The following PRR5L variants were observed in gnomAD, a reference collection of about 807,000 sequenced individuals.
The protein encoded by PRR5L is proline-rich protein 5-like.
Under a neutral mutation model 36.4 loss-of-function variants are expected in PRR5L, and 21 were observed. The ratio of observed to expected loss-of-function variants is 0.58; its 90% CI spans 0.41 to 0.83. The LOEUF (loss-of-function observed/expected upper bound fraction) is 0.83. PRR5L is among the 40% of genes least tolerant of loss of function. The probability of loss-of-function intolerance (pLI) is 0.00; values close to 1 mark genes in which losing one functional copy is unlikely to be tolerated. For synonymous variants in PRR5L, 188 were observed against 197.0 expected (o/e 0.95, Z 0.38); for missense variants, 381 against 473.3 (o/e 0.80, Z 1.81).
At position 36,401,261 on chromosome 11, in the gene PRR5L, T is replaced by C; in HGVS notation, c.140T>C (p.Leu47Pro). Reference sequence around the variant, plus strand: ...CAAGCAGCTCGGCAGGCTCTGCAGCTGAGCTCCAGCTCAGCCTGGAACAGG... The same window carrying C: ...CAAGCAGCTCGGCAGGCTCTGCAGCCGAGCTCCAGCTCAGCCTGGAACAGG... ...RFQAARQALQ[L>P]SSSSAWNSVQ... The change falls in exon 2 of 9, where the codon CTG (leucine) becomes CCG (proline). Residue 47 changes from leucine to proline, a missense_variant. Leu to Pro is a moderately conservative substitution (Grantham distance 98). Transcript: ENST00000530639. 6.2e-7 allele frequency: 1 copy of C among 1,612,604 alleles called. No individual in the cohort carries two copies. Among genetic ancestry groups the C allele is most frequent in the Non-Finnish European group, 8.5e-7 (1 of 1,179,994 alleles).
intron 1 of PRR5L, among the ~76,000 whole-genome samples, chr11:36,316,157 A>G (rs980875463): frequency 3.3e-5 from 5 of 152,324 alleles, no homozygotes; most frequent in African/African-American, 1.2e-4. Context: ...CGAGGGCCAT[A>G]TGGTCTGTGT....
At chr11:36,387,670 A>G (rs1279372619) in intron 1 of PRR5L, among the ~76,000 whole-genome samples, 1 of 152,178 alleles carries the variant, frequency 6.6e-6, no homozygotes, top group Non-Finnish European at 1.5e-5. Context: ...CCAAACCATT[A>G]ATTGAATGGT....
chr11:36,351,595 TTATATAAATATATATTTATATA>T lies in PRR5L; in HGVS notation c.-125-49400_-125-49379del, dbSNP rs1565408814. Among the ~76,000 whole-genome samples the T allele has an allele frequency of 1.6e-3, 44 of 27,564 alleles. 1 individual carries two copies. The highest frequency in any genetic ancestry group is 9.0e-3 in the African/African-American group (44 of 4,906). The allele number at this position is 27,564 out of a possible 152,430, so 18.1% of individuals were successfully genotyped here. On this transcript the variant is annotated intron_variant, in intron 1 of 8. Coordinates refer to ENST00000530639, the MANE Select transcript of PRR5L (RefSeq NM_001160167.2). ...TTTATATAAATATATATTTATATAT[TTATATAAATATATATTTATATA>T]TTTATATATTTATATAAATATATAT...
At chr11:36,386,748 C>T (rs577964727) in intron 1 of PRR5L, among the ~76,000 whole-genome samples, 17 of 152,302 alleles carry the variant, frequency 1.1e-4, no homozygotes, top group Admixed American at 3.9e-4. Context: ...CCCTATGCTT[C>T]GGTTTCTTCA....
At chr11:36,410,411 G>A (rs1001622422) in intron 3 of PRR5L, among the ~76,000 whole-genome samples, 4 of 152,110 alleles carry the variant, frequency 2.6e-5, no homozygotes, top group Admixed American at 1.3e-4. Flanking sequence ...TTGCCTGCCT[G>A]CCCCTGTGGC....
intron 1 of PRR5L, among the ~76,000 whole-genome samples, chr11:36,306,760 C>CA (rs1565375274): frequency 6.6e-6 from 1 of 151,988 alleles, no homozygotes; most frequent in Non-Finnish European, 1.5e-5. Context: ...CAACCACCAC[C>CA]AAAAAAGTCT....
At chr11:36,379,259 C>T (rs1050051337) in intron 1 of PRR5L, 2 of 152,180 alleles carry the variant, frequency 1.3e-5, no homozygotes, top group African/African-American at 4.8e-5. Context: ...CAGATTTCTC[C>T]ATACTAATGA....
intron 3 of PRR5L, among the ~76,000 whole-genome samples, chr11:36,415,336 G>A (rs936665616): frequency 3.9e-5 from 6 of 152,328 alleles, no homozygotes; most frequent in Non-Finnish European, 8.8e-5. Context: ...TGGCTAAAGT[G>A]TTGTGTTGCC....
chr11:36,406,123 T>C (rs954286867), intron 3 of PRR5L, among the ~76,000 whole-genome samples: 15 of 151,986 alleles, frequency 9.9e-5, no homozygotes, highest in African/African-American at 3.6e-4. Context: ...TTTGCCATCG[T>C]TCCTTTCCCG....
intron 4 of PRR5L, 80 bp from the exon 5 acceptor site, chr11:36,431,773 C>A: frequency 1.5e-6 from 2 of 1,301,270 alleles, no homozygotes; most frequent in Non-Finnish European, 2.2e-6. Context: ...TGTGCCCTTG[C>A]CCACTGGAAG....
chr11:36,388,729 C>T (rs1383973651), intron 1 of PRR5L, among the ~76,000 whole-genome samples: 1 of 121,306 alleles, frequency 8.2e-6, no homozygotes, highest in Admixed American at 1.1e-4. Flanking sequence ...GACGGAGTCT[C>T]GCTCTGTCGC....
At chr11:36,424,934 G>C (rs1445927704) in intron 4 of PRR5L, among the ~76,000 whole-genome samples, 1 of 152,118 alleles carries the variant, frequency 6.6e-6, no homozygotes, top group African/African-American at 2.4e-5. Flanking sequence ...TGATTCTCCT[G>C]GCTCAGCTTC....
chr11:36,415,921 T>C (rs544999114), intron 3 of PRR5L, among the ~76,000 whole-genome samples: 1 of 152,368 alleles, frequency 6.6e-6, no homozygotes, highest in African/African-American at 2.4e-5. Context: ...TATGTTAGTG[T>C]TGTGTAAACT....
chr11:36,442,805 C>T (rs1212070419), intron 6 of PRR5L, among the ~76,000 whole-genome samples: 1 of 152,204 alleles, frequency 6.6e-6, no homozygotes, highest in African/African-American at 2.4e-5. Flanking sequence ...GAGACCACCT[C>T]AGCCTGGCCT....
intron 1 of PRR5L, among the ~76,000 whole-genome samples, chr11:36,374,920 G>A (rs1416105918): frequency 6.6e-6 from 1 of 152,122 alleles, no homozygotes; most frequent in African/African-American, 2.4e-5. Context: ...CCTCTTTTAA[G>A]TCTCCTCCCT....
At chr11:36,410,009 G>T (rs1163329881) in intron 3 of PRR5L, among the ~76,000 whole-genome samples, 1 of 152,226 alleles carries the variant, frequency 6.6e-6, no homozygotes, top group Non-Finnish European at 1.5e-5. Context: ...AATAGATCAT[G>T]AGGTAAGGGG....
chr11:36,451,977 A>G (rs562256083), intron 8 of PRR5L, among the ~76,000 whole-genome samples: 26 of 151,118 alleles, frequency 1.7e-4, no homozygotes, highest in Non-Finnish European at 1.0e-4. Context: ...TCTCAGTGAC[A>G]CTGCAGTCTA....
At chr11:36,375,075 AAATAC>A (rs1181622999) in intron 1 of PRR5L, among the ~76,000 whole-genome samples, 1 of 152,100 alleles carries the variant, frequency 6.6e-6, no homozygotes. Context: ...TCTCTACTAA[AAATAC>A]AATAATTAGC....
chr11:36,398,223 G>A (rs904955713), intron 1 of PRR5L, among the ~76,000 whole-genome samples: 6 of 152,234 alleles, frequency 3.9e-5, no homozygotes, highest in African/African-American at 1.4e-4. Flanking sequence ...CTCTCTTCCT[G>A]CCTCGAGCAC....
Sources: allele counts gnomAD v4.1 joint callset (sites outside exome capture counted in the v4.1 genomes callset), GRCh38; gene constraint gnomAD v4.1.1; transcripts MANE v1.5; gene names NCBI Gene and HGNC (gene_info 2026-07-23, HGNC 2026-07-21).